The following PPP1R16B variants were observed in gnomAD, a reference collection of about 807,000 sequenced individuals.
The protein encoded by PPP1R16B is protein phosphatase 1 regulatory inhibitor subunit 16B.
A neutral mutation model predicts 61.7 loss-of-function variants in PPP1R16B; 14 were observed. The ratio of observed to expected loss-of-function variants is 0.23; its 90% CI spans 0.15 to 0.35. The LOEUF (loss-of-function observed/expected upper bound fraction) is 0.35. PPP1R16B is among the 10% of genes least tolerant of loss of function. PPP1R16B has a pLI of 1.00. For synonymous variants in PPP1R16B, 266 were observed against 305.3 expected, an observed-to-expected ratio of 0.87 and a Z score of 1.34; for missense variants, 547 against 752.5, an observed-to-expected ratio of 0.73 and a Z score of 3.19.
intron 1 of PPP1R16B, among the ~76,000 whole-genome samples, chr20:38,825,439 C>T (rs2084799722): frequency 6.6e-6 from 1 of 152,176 alleles, no homozygotes; most frequent in Admixed American, 6.5e-5. Flanking sequence ...GATAAGGGGA[C>T]ATTTTGGTTA....
At position 38,917,789 on chromosome 20, in the gene PPP1R16B, G is replaced by A. The variant is rs528962707; in HGVS notation, c.1195-368G>A. 5.3e-5 allele frequency among the ~76,000 whole-genome samples: 8 copies of A among 152,218 alleles called. No individual in the cohort carries two copies. The East Asian group carries it at 7.7e-4, about 15-fold the overall frequency. On this transcript the variant is annotated intron_variant, in intron 10 of 10. Transcript: ENST00000299824. ...AGTATCTCCCCAGCCCTCAGCTTAC[G>A]TCATTCTTACTACCCACAGTTCCTA...
chr20:38,824,373 C>T (rs2084791421), intron 1 of PPP1R16B, among the ~76,000 whole-genome samples: 1 of 152,230 alleles, frequency 6.6e-6, no homozygotes, highest in Non-Finnish European at 1.5e-5. Flanking sequence ...ATGTCCCCAT[C>T]TCCCTGGTCA....
At chr20:38,833,537 T>C (rs986276289) in intron 1 of PPP1R16B, among the ~76,000 whole-genome samples, 1 of 152,240 alleles carries the variant, frequency 6.6e-6, no homozygotes, top group Non-Finnish European at 1.5e-5. Flanking sequence ...ACACAGAATC[T>C]CTCTGTACTA....
At chr20:38,902,434 G>A (rs2085402053) in intron 5 of PPP1R16B, among the ~76,000 whole-genome samples, 1 of 152,224 alleles carries the variant, frequency 6.6e-6, no homozygotes. Flanking sequence ...CATATGCAAA[G>A]TGACCAATAT....
At chr20:38,890,685 A>G (rs2085285674) in intron 3 of PPP1R16B, among the ~76,000 whole-genome samples, 1 of 152,204 alleles carries the variant, frequency 6.6e-6, no homozygotes, top group South Asian at 2.1e-4. Context: ...AGTGTGTCCT[A>G]GCATCTTTCC....
intron 2 of PPP1R16B, among the ~76,000 whole-genome samples, chr20:38,838,784 C>G (rs1276043182): frequency 6.6e-6 from 1 of 152,212 alleles, no homozygotes; most frequent in Admixed American, 6.5e-5. Context: ...CCTCCCAGCC[C>G]CCTGCCCAGC....
intron 2 of PPP1R16B, among the ~76,000 whole-genome samples, chr20:38,869,096 A>AT (rs977227201): frequency 2.4e-4 from 37 of 151,332 alleles, no homozygotes; most frequent in African/African-American, 8.3e-4. Flanking sequence ...ACTAAAGGCT[A>AT]TTTTTTTCCT....
At chr20:38,812,405 G>T (rs2084706975) in intron 1 of PPP1R16B, among the ~76,000 whole-genome samples, 1 of 152,194 alleles carries the variant, frequency 6.6e-6, no homozygotes, top group African/African-American at 2.4e-5. Flanking sequence ...ATTTTCCACT[G>T]ACATTTACAG....
At chr20:38,868,113 C>T (rs1193417464) in intron 2 of PPP1R16B, among the ~76,000 whole-genome samples, 1 of 152,202 alleles carries the variant, frequency 6.6e-6, no homozygotes, top group Non-Finnish European at 1.5e-5. Context: ...TGTTTTCCAT[C>T]TATTTCAGGG....
chr20:38,880,333 G>T (rs1336607514), intron 2 of PPP1R16B, among the ~76,000 whole-genome samples: 2 of 152,178 alleles, frequency 1.3e-5, no homozygotes, highest in Non-Finnish European at 2.9e-5. Flanking sequence ...CTGGGACTTG[G>T]AATCTAAGTA....
intron 2 of PPP1R16B, among the ~76,000 whole-genome samples, chr20:38,867,822 G>A (rs2085100390): frequency 6.6e-6 from 1 of 152,134 alleles, no homozygotes; most frequent in South Asian, 2.1e-4. Context: ...ACAGGCGCCC[G>A]CCACCACGCC....
intron 1 of PPP1R16B, among the ~76,000 whole-genome samples, chr20:38,835,348 C>A (rs1305229365): frequency 6.6e-6 from 1 of 152,120 alleles, no homozygotes; most frequent in East Asian, 1.9e-4. Context: ...CCTCCCTGCA[C>A]CCCTTCTGAT....
chr20:38,816,377 T>A (rs1394726417), intron 1 of PPP1R16B, among the ~76,000 whole-genome samples: 2 of 152,172 alleles, frequency 1.3e-5, no homozygotes, highest in African/African-American at 4.8e-5. Flanking sequence ...TGGATGTAGG[T>A]GGCATAAATA....
In PPP1R16B at chr20:38,884,372, A is replaced by C. The variant is rs534355520; in HGVS notation, c.251-5223A>C. Among the ~76,000 whole-genome samples the C allele has an allele frequency of 1.4e-4, 21 of 152,326 alleles. No homozygotes were observed. The South Asian group carries it at 3.1e-3, about 23-fold the overall frequency. ...TGTAGGCGGAACCACACCATACAGGACTTTGAAGACCAGGGGTCTGCAAAC... is the reference window on the plus strand; with the variant it reads ...TGTAGGCGGAACCACACCATACAGGCCTTTGAAGACCAGGGGTCTGCAAAC... On this transcript the variant is annotated intron_variant, in intron 2 of 10. Coordinates refer to ENST00000299824, the MANE Select transcript of PPP1R16B (RefSeq NM_015568.4).
intron 2 of PPP1R16B, among the ~76,000 whole-genome samples, chr20:38,841,133 C>T (rs1394909519): frequency 6.6e-6 from 1 of 151,940 alleles, no homozygotes; most frequent in Non-Finnish European, 1.5e-5. Flanking sequence ...GCTTGGGGTT[C>T]AGTTTACATA....
intron 1 of PPP1R16B, among the ~76,000 whole-genome samples, chr20:38,827,587 C>T (rs369462055): frequency 6.6e-6 from 1 of 152,106 alleles, no homozygotes; most frequent in Non-Finnish European, 1.5e-5. Context: ...CTGAGTTTCA[C>T]GACTGATTTA....
At chr20:38,839,509 C>T (rs961256659) in intron 2 of PPP1R16B, among the ~76,000 whole-genome samples, 1 of 152,194 alleles carries the variant, frequency 6.6e-6, no homozygotes, top group African/African-American at 2.4e-5. Flanking sequence ...CCTTCCTCCC[C>T]TCCTTTGCTT....
At chr20:38,851,899 G>A (rs2084971270) in intron 2 of PPP1R16B, among the ~76,000 whole-genome samples, 1 of 152,214 alleles carries the variant, frequency 6.6e-6, no homozygotes, top group African/African-American at 2.4e-5. Context: ...CAGGCATGGT[G>A]GTGTGGGCCT....
At chr20:38,906,775 G>A (rs2085446755) in intron 7 of PPP1R16B, among the ~76,000 whole-genome samples, 1 of 152,034 alleles carries the variant, frequency 6.6e-6, no homozygotes, top group Admixed American at 6.6e-5. Context: ...TTCTTGGTGT[G>A]GCCCAGGCAT....
Sources: gnomAD v4.1 joint callset for allele counts (sites outside exome capture counted in the v4.1 genomes callset) on GRCh38, gnomAD v4.1.1 for gene constraint, MANE v1.5 for transcripts, NCBI Gene and HGNC (gene_info 2026-07-23, HGNC 2026-07-21) for gene names.